Variants in MACROD2 observed in about 807,000 individuals in gnomAD.
The protein encoded by MACROD2 is ADP-ribose glycohydrolase MACROD2.
In MACROD2, 36 loss-of-function variants were observed where a neutral mutation model predicts 70.4. That is an observed-to-expected ratio of 0.51 (90% CI 0.39 to 0.68). MACROD2 has a LOEUF of 0.68. Among genes scored for constraint, MACROD2 ranks in the 30% least tolerant of loss-of-function variants. The pLI is 0.00. For synonymous variants in MACROD2, 172 were observed against 178.8 expected (o/e 0.96, Z 0.30); for missense variants, 496 against 538.4 (o/e 0.92, Z 0.78).
At chr20:14,293,980 G>A (rs1021270558) in intron 3 of MACROD2, among the ~76,000 whole-genome samples, 1 of 151,690 alleles carries the variant, frequency 6.6e-6, no homozygotes, top group Non-Finnish European at 1.5e-5. Context: ...GTTTTAAAGG[G>A]CAGTGAATCA....
At chr20:15,649,322 T>A (rs1277941390) in intron 8 of MACROD2, among the ~76,000 whole-genome samples, 1 of 151,868 alleles carries the variant, frequency 6.6e-6, no homozygotes, top group East Asian at 1.9e-4. Flanking sequence ...TACTGACTTG[T>A]ATTCAATTAT....
At chr20:14,206,699 C>T (rs753318412) in intron 3 of MACROD2, among the ~76,000 whole-genome samples, 9 of 148,882 alleles carry the variant, frequency 6.0e-5, no homozygotes, top group Non-Finnish European at 1.0e-4. Flanking sequence ...AAGATGTAGT[C>T]GTCATGGTTA....
At chr20:14,597,906 ACTT>A (rs1982247316) in intron 4 of MACROD2, among the ~76,000 whole-genome samples, 1 of 152,226 alleles carries the variant, frequency 6.6e-6, no homozygotes, top group East Asian at 1.9e-4. Context: ...TGTTGATTGA[ACTT>A]CTCATTATAC....
chr20:15,826,455 A>G (rs895333407), intron 8 of MACROD2, among the ~76,000 whole-genome samples: 5 of 152,222 alleles, frequency 3.3e-5, no homozygotes, highest in African/African-American at 1.2e-4. Flanking sequence ...ATAAAGATGT[A>G]TGTTTTCCCT....
At chr20:15,298,483 A>G (rs761979068) in intron 6 of MACROD2, among the ~76,000 whole-genome samples, 1 of 152,218 alleles carries the variant, frequency 6.6e-6, no homozygotes, top group African/African-American at 2.4e-5. Flanking sequence ...TAAGAAGAGT[A>G]AGGGTTACAT....
chr20:14,431,888 A>C (rs1207262608), intron 3 of MACROD2, among the ~76,000 whole-genome samples: 1 of 152,110 alleles, frequency 6.6e-6, no homozygotes, highest in African/African-American at 2.4e-5. Flanking sequence ...AATTACCTCT[A>C]AGTTCTCACT....
chr20:14,369,188 A>C (rs575896762), intron 3 of MACROD2, among the ~76,000 whole-genome samples: 1 of 152,314 alleles, frequency 6.6e-6, no homozygotes, highest in South Asian at 2.1e-4. Context: ...TTTTCAAGGA[A>C]TCTCTGCTGC....
At position 14,143,222 on chromosome 20, in the gene MACROD2, G is replaced by T. The variant is rs1481962907; in HGVS notation, c.271+57494G>T. Among the ~76,000 whole-genome samples, 4 of 152,142 alleles carry T rather than the reference G, an allele frequency of 2.6e-5. No homozygotes were observed. The East Asian group carries it at 7.7e-4, about 29-fold the overall frequency. On this transcript the variant is annotated intron_variant, in intron 3 of 17. Coordinates refer to ENST00000684519, the MANE Select transcript of MACROD2 (RefSeq NM_001351661.2). ...TTAATCTGTAGTTTTCCTTGAAAGG[G>T]TACTTGTTTCTACATTTTTATAGAG...
chr20:15,184,408 G>A (rs1021903951), intron 5 of MACROD2, among the ~76,000 whole-genome samples: 20 of 152,166 alleles, frequency 1.3e-4, no homozygotes, highest in African/African-American at 4.8e-4. Flanking sequence ...GAACAGGGTA[G>A]TTGCTATAAT....
intron 3 of MACROD2, among the ~76,000 whole-genome samples, chr20:14,331,809 A>G (rs148828471): frequency 9.9e-5 from 15 of 152,204 alleles, no homozygotes; most frequent in Middle Eastern, 3.4e-3. Flanking sequence ...CTGGATCTAC[A>G]TATTTGCGCA....
intron 5 of MACROD2, among the ~76,000 whole-genome samples, chr20:15,206,726 T>TTTTTTTTTTTTGTTG (rs2076708690): frequency 6.5e-5 from 4 of 61,674 alleles, no homozygotes; most frequent in Non-Finnish European, 1.3e-4. Context: ...TCTATGTTTT[T>TTTTTTTTTTTTGTTG]TTTTTTTTTT....
At chr20:15,942,960 G>A (rs2065770963) in intron 12 of MACROD2, among the ~76,000 whole-genome samples, 1 of 152,086 alleles carries the variant, frequency 6.6e-6, no homozygotes, top group Admixed American at 6.6e-5. Context: ...GCATACCCAG[G>A]CTTGTATTCC....
At chr20:15,374,119 A>G (rs1340276099) in intron 6 of MACROD2, among the ~76,000 whole-genome samples, 1 of 152,106 alleles carries the variant, frequency 6.6e-6, no homozygotes, top group Non-Finnish European at 1.5e-5. Context: ...GACTCTTGAT[A>G]TGCATAAAAT....
chr20:15,373,685 G>A (rs1304177523), intron 6 of MACROD2, among the ~76,000 whole-genome samples: 2 of 152,128 alleles, frequency 1.3e-5, no homozygotes, highest in African/African-American at 2.4e-5. Context: ...TTACAGACAT[G>A]AGCCACTGCA....
At chr20:15,688,132 A>C (rs2050251712) in intron 8 of MACROD2, among the ~76,000 whole-genome samples, 1 of 152,230 alleles carries the variant, frequency 6.6e-6, no homozygotes, top group South Asian at 2.1e-4. Context: ...ATTTAGGTTA[A>C]TAGTAAAATA....
At chr20:14,394,875 G>T (rs996842280) in intron 3 of MACROD2, among the ~76,000 whole-genome samples, 1 of 152,124 alleles carries the variant, frequency 6.6e-6, no homozygotes, top group Non-Finnish European at 1.5e-5. Flanking sequence ...TATTTGTCCT[G>T]TTGATATGGT....
chr20:14,351,254 C>T (rs1335337537), intron 3 of MACROD2, among the ~76,000 whole-genome samples: 2 of 151,528 alleles, frequency 1.3e-5, no homozygotes, highest in Non-Finnish European at 2.9e-5. Flanking sequence ...GTTGTTGTTC[C>T]ACATAATTTT....
rs1196446972 is a variant in MACROD2 at position 14,327,489 on chromosome 20, C to T, written c.272-165990C>T. The T allele has an allele frequency of 6.2e-7, 1 of 1,612,128 alleles. No homozygotes were observed. ...TTTTAGTCCCGATGAGGAAGATGCT[C>T]CAGGCTGCGCTGATCATGGTCAGCA... On this transcript the variant is annotated intron_variant, in intron 3 of 17. Coordinates refer to ENST00000684519, the MANE Select transcript of MACROD2 (RefSeq NM_001351661.2).
At chr20:14,979,951 T>A (rs1001353413) in intron 5 of MACROD2, among the ~76,000 whole-genome samples, 3 of 152,192 alleles carry the variant, frequency 2.0e-5, no homozygotes, top group Admixed American at 2.0e-4. Context: ...CTTGGTAGAA[T>A]GGGTTTTGAG....
Sources: gnomAD v4.1 joint callset for allele counts (sites outside exome capture counted in the v4.1 genomes callset) on GRCh38, gnomAD v4.1.1 for gene constraint, MANE v1.5 for transcripts, NCBI Gene and HGNC (gene_info 2026-07-23, HGNC 2026-07-21) for gene names.